RASGEF1C: variants seen among roughly 807,000 people sequenced by gnomAD.
RASGEF1C encodes the protein RasGEF domain family member 1C, also known as ras-GEF domain-containing family member 1C.
Under a neutral mutation model 58.1 loss-of-function variants are expected in RASGEF1C, and 27 were observed. That is an observed-to-expected ratio of 0.46 (90% CI 0.34 to 0.64). The LOEUF (loss-of-function observed/expected upper bound fraction) is 0.64. RASGEF1C is among the 30% of genes least tolerant of loss of function. The pLI, the probability that RASGEF1C is intolerant of heterozygous loss-of-function variation, is 0.01. For synonymous variants in RASGEF1C, 243 were observed against 246.3 expected (o/e 0.99, Z 0.13); for missense variants, 502 against 605.1 (o/e 0.83, Z 1.79).
intron 12 of RASGEF1C, among the ~76,000 whole-genome samples, chr5:180,110,951 G>T (rs892593884): frequency 7.2e-5 from 11 of 152,146 alleles, no homozygotes; most frequent in African/African-American, 2.7e-4. Flanking sequence ...GAGTAGCTGG[G>T]ATTACAGGTA....
In RASGEF1C at chr5:180,118,578, G is replaced by GC. The variant is rs759350273; in HGVS notation, c.1083+30dup. The GC allele has an allele frequency of 1.7e-5, 26 of 1,562,424 alleles. 1 individual carries two copies. In the South Asian group the frequency reaches 2.4e-4, roughly 15 times the overall value. On this transcript the variant is annotated intron_variant, in intron 10 of 13. Transcript: ENST00000361132. Reference sequence around the variant, plus strand: ...GCCAGCACCCAGGTTCCCTGCTGCAGCCCCCCTGGGCCAACGTGGCCCCGA... The same window carrying GC: ...GCCAGCACCCAGGTTCCCTGCTGCAGCCCCCCCTGGGCCAACGTGGCCCCGA...
chr5:180,127,531 AAGGCTC>A, intron 6 of RASGEF1C, 72 bp downstream of exon 6: 1 of 1,413,570 alleles, frequency 7.1e-7, no homozygotes, highest in Non-Finnish European at 9.5e-7. Context: ...TCGCCCAGAG[AAGGCTC>A]GCGGGCTCCC....
At chr5:180,174,396 G>C (rs1767174615) in intron 1 of RASGEF1C, among the ~76,000 whole-genome samples, 1 of 151,580 alleles carries the variant, frequency 6.6e-6, no homozygotes, top group Non-Finnish European at 1.5e-5. Flanking sequence ...AGATGCATGT[G>C]TGTGCGTCTG....
intron 12 of RASGEF1C, among the ~76,000 whole-genome samples, chr5:180,104,995 A>T (rs973051632): frequency 6.6e-5 from 10 of 152,200 alleles, no homozygotes; most frequent in Non-Finnish European, 1.5e-4. Flanking sequence ...GGCTGCCTGA[A>T]ACTGCAGATA....
Position 180,137,589 on chromosome 5 carries a change from CCTTGTCCAGCACCGG to C in RASGEF1C, c.286_300del (p.Pro96_Lys100del), listed in dbSNP as rs746439908. The stretch of plus-strand genomic sequence containing the variant: ...ACCCCCTGGCCTGCCCTCCGCCTCA[CCTTGTCCAGCACCGG>C]CTTGTCCAGCTGCTGCTGCTCGATG... On this transcript the variant is annotated inframe_deletion and splice_region_variant, in exon 3 of 14. Coordinates refer to ENST00000361132, the MANE Select transcript of RASGEF1C (RefSeq NM_175062.4). The surrounding 1 kb of genome is among the most constrained non-coding windows in gnomAD (Gnocchi z 4.1). The C allele has an allele frequency of 6.2e-7, 1 of 1,611,050 alleles. No individual in the cohort carries two copies. The highest frequency in any genetic ancestry group is 8.5e-7 in the Non-Finnish European group (1 of 1,179,478).
In RASGEF1C at chr5:180,137,781, C is replaced by T; in HGVS notation, c.178-69G>A. On this transcript the variant is annotated intron_variant, in intron 2 of 13. Coordinates refer to ENST00000361132, the MANE Select transcript of RASGEF1C (RefSeq NM_175062.4). The surrounding 1 kb of genome is among the most constrained non-coding windows in gnomAD (Gnocchi z 4.1). ...CAGGAGGGGCATGCTTCCCAGCTGGCCCTGTACCCTGGCCCAAGGTCACGC... is the reference window on the plus strand; with the variant it reads ...CAGGAGGGGCATGCTTCCCAGCTGGTCCTGTACCCTGGCCCAAGGTCACGC... 2.5e-6 allele frequency: 4 copies of T among 1,605,320 alleles called. No individual in the cohort carries two copies. The highest frequency in any genetic ancestry group is 1.3e-5 in the African/African-American group (1 of 74,992).
At chr5:180,117,979 G>C (rs1461644472) in intron 10 of RASGEF1C, among the ~76,000 whole-genome samples, 1 of 123,508 alleles carries the variant, frequency 8.1e-6, no homozygotes, top group Non-Finnish European at 1.6e-5. Flanking sequence ...GGGCGACAGA[G>C]AGAGACTCCA....
At chr5:180,105,761 G>C (rs947566366) in intron 12 of RASGEF1C, among the ~76,000 whole-genome samples, 36 of 152,038 alleles carry the variant, frequency 2.4e-4, no homozygotes, top group African/African-American at 8.5e-4. Context: ...CCAGTGACTT[G>C]GGTGGCTGAG....
rs999743443 is a variant in RASGEF1C, at chr5:180,198,001, C to T, written c.-7+11027G>A. On this transcript the variant is annotated intron_variant, in intron 1 of 13. Transcript: ENST00000361132. The surrounding 1 kb of genome is among the most constrained non-coding windows in gnomAD (Gnocchi z 4.5). The stretch of plus-strand genomic sequence containing the variant: ...CCGGAAGGCATTGAACTGGCAACAG[C>T]GGTGCCTGAGTTAGCGTATTCCAAA... Among the ~76,000 whole-genome samples the T allele has an allele frequency of 2.6e-5, 4 of 152,188 alleles. No individual in the cohort carries two copies. The highest frequency in any genetic ancestry group is 9.7e-5 in the African/African-American group (4 of 41,440).
At chr5:180,126,971 T>G (rs899819441) in intron 6 of RASGEF1C, among the ~76,000 whole-genome samples, 4 of 56,222 alleles carry the variant, frequency 7.1e-5, no homozygotes, top group African/African-American at 2.3e-4. Flanking sequence ...TGATTTTTGC[T>G]TATCTGAGAA....
chr5:180,127,920 C>T (rs971326028), intron 5 of RASGEF1C, among the ~76,000 whole-genome samples: 1 of 152,336 alleles, frequency 6.6e-6, no homozygotes, highest in Non-Finnish European at 1.5e-5. Flanking sequence ...TGCTATGAGG[C>T]GTGACGCCCA....
At chr5:180,178,054 C>A (rs1480100389) in intron 1 of RASGEF1C, among the ~76,000 whole-genome samples, 1 of 151,714 alleles carries the variant, frequency 6.6e-6, no homozygotes, top group African/African-American at 2.4e-5. Flanking sequence ...GCAACTTTCG[C>A]CTCCCAGGTT....
At chr5:180,172,559 C>A (rs1363883770) in intron 1 of RASGEF1C, among the ~76,000 whole-genome samples, 1 of 152,218 alleles carries the variant, frequency 6.6e-6, no homozygotes, top group African/African-American at 2.4e-5. Flanking sequence ...GACCCTCCCA[C>A]AAAGCCTAGC....
At chr5:180,113,341 A>AT (rs1470647700) in intron 11 of RASGEF1C, among the ~76,000 whole-genome samples, 11 of 39,908 alleles carry the variant, frequency 2.8e-4, no homozygotes, top group African/African-American at 4.9e-4. Flanking sequence ...GGACGGAGGG[A>AT]CCGGGGATGG....
intron 12 of RASGEF1C, among the ~76,000 whole-genome samples, chr5:180,102,716 G>A (rs979508606): frequency 1.3e-5 from 2 of 151,714 alleles, no homozygotes; most frequent in Non-Finnish European, 1.5e-5. Context: ...GTATATTTGC[G>A]TGGGTCTCTT....
intron 1 of RASGEF1C, among the ~76,000 whole-genome samples, chr5:180,150,184 A>G (rs1349572008): frequency 1.3e-5 from 2 of 152,036 alleles, no homozygotes; most frequent in African/African-American, 4.8e-5. Context: ...TGAATTTTTC[A>G]TTTCAGTTAT....
chr5:180,132,157 G>T (rs562392689), intron 4 of RASGEF1C, among the ~76,000 whole-genome samples: 1 of 152,340 alleles, frequency 6.6e-6, no homozygotes, highest in Admixed American at 6.5e-5. Context: ...GGCCGTGCTG[G>T]GGTGGAGCAG....
chr5:180,202,828 G>T (rs923549249), intron 1 of RASGEF1C, among the ~76,000 whole-genome samples: 3 of 151,478 alleles, frequency 2.0e-5, no homozygotes, highest in Non-Finnish European at 4.4e-5. Flanking sequence ...TCAGCCTCCC[G>T]ACTAGCTGGG....
At chr5:180,136,148 C>T (rs1249957472) in intron 4 of RASGEF1C, among the ~76,000 whole-genome samples, 1 of 152,242 alleles carries the variant, frequency 6.6e-6, no homozygotes, top group East Asian at 1.9e-4. Flanking sequence ...TCCCCCCTCA[C>T]CCGCCATCTG....
Sources: allele counts gnomAD v4.1 joint callset (sites outside exome capture counted in the v4.1 genomes callset), GRCh38; gene constraint gnomAD v4.1.1; non-coding constraint Gnocchi (gnomAD v3.1); transcripts MANE v1.5; gene names NCBI Gene and HGNC (gene_info 2026-07-23, HGNC 2026-07-21).